PTPRF: variants seen among roughly 807,000 people sequenced by gnomAD.
PTPRF encodes protein tyrosine phosphatase receptor type F.
PTPRF carries 59 observed loss-of-function variants against 201.8 expected under a neutral mutation model. That is an observed-to-expected ratio of 0.29 (90% CI 0.24 to 0.36). The LOEUF (loss-of-function observed/expected upper bound fraction) is 0.36. Ranked by LOEUF, PTPRF falls within the 10% of genes least tolerant of loss-of-function variation. PTPRF has a pLI of 1.00. For synonymous variants in PTPRF, 1,088 were observed against 1,089.7 expected (o/e 1.00, Z 0.03); for missense variants, 2,132 against 2,690.5 (o/e 0.79, Z 4.59).
intron 5 of PTPRF, among the ~76,000 whole-genome samples, chr1:43,560,634 G>A (rs1645742938): frequency 6.6e-6 from 1 of 152,160 alleles, no homozygotes; most frequent in Admixed American, 6.5e-5. Flanking sequence ...GGACCCCGCA[G>A]GATCCCTGTT....
intron 6 of PTPRF, among the ~76,000 whole-genome samples, chr1:43,578,468 A>G (rs1021650829): frequency 3.3e-5 from 5 of 152,178 alleles, no homozygotes; most frequent in African/African-American, 1.2e-4. Flanking sequence ...GAACACTAAC[A>G]GGGATGTTGA....
chr1:43,611,905 C>T (rs1382481281), intron 22 of PTPRF, among the ~76,000 whole-genome samples: 2 of 152,114 alleles, frequency 1.3e-5, no homozygotes, highest in African/African-American at 2.4e-5. Context: ...GACATCAGGG[C>T]TGAAGCCCTG....
chr1:43,535,236 G>A (rs1643931603), intron 1 of PTPRF, among the ~76,000 whole-genome samples: 1 of 152,192 alleles, frequency 6.6e-6, no homozygotes, highest in African/African-American at 2.4e-5. Context: ...GTGTTGCTCA[G>A]GTGTTTGACC....
rs1365430574 is a variant in PTPRF at position 43,598,053 on chromosome 1, G to A, written c.2119G>A (p.Val707Met). ...GGTGCTGGTGCGCACCGATGAGGACGGTAGGCAGTGCCACCGGGGCGGGAG... is the reference window on the plus strand; with the variant it reads ...GGTGCTGGTGCGCACCGATGAGGACAGTAGGCAGTGCCACCGGGGCGGGAG... ...SPVLVRTDED[V>M]PSGPPRKVEV... Residue 707 changes from valine to methionine, a missense_variant and splice_region_variant, in exon 12 of 34, where the codon GTG becomes ATG. Physicochemically the swap from Val to Met is conservative, Grantham distance 21 (BLOSUM62 1). This residue lies in a region of PTPRF where 125 missense variants were observed against 211.9 expected (regional missense o/e 0.59). Coordinates refer to ENST00000359947, the MANE Select transcript of PTPRF (RefSeq NM_002840.5). 6.8e-7 allele frequency: 1 copy of A among 1,470,366 alleles called. No individual in the cohort carries two copies. Among genetic ancestry groups the A allele is most frequent in the Non-Finnish European group, 9.1e-7 (1 of 1,103,326 alleles). 91.1% of individuals were successfully genotyped at this position (1,470,366 alleles called of 1,614,324 possible). A position where few individuals can be genotyped will look rare whatever the true frequency, so the allele number is the denominator to read the frequency against.
chr1:43,580,710 A>T (rs1033190132), intron 7 of PTPRF, among the ~76,000 whole-genome samples: 1 of 152,230 alleles, frequency 6.6e-6, no homozygotes, highest in African/African-American at 2.4e-5. Context: ...CTTCTCAAAG[A>T]TCTGCCTCCT....
At chr1:43,604,791 AC>A (rs1654640673) in intron 16 of PTPRF, 111 bp from the exon 17 acceptor site, 2 of 895,896 alleles carry the variant, frequency 2.2e-6, no homozygotes, top group Admixed American at 3.7e-5. Flanking sequence ...CCATCCTTCA[AC>A]CCCCTGTTCC....
chr1:43,565,952 C>T (rs1374369466), intron 5 of PTPRF, among the ~76,000 whole-genome samples: 1 of 152,230 alleles, frequency 6.6e-6, no homozygotes, highest in Non-Finnish European at 1.5e-5. Context: ...TCCTCCCCTT[C>T]GGCGCCAACA....
chr1:43,581,840 C>T (rs1364360909), intron 7 of PTPRF, among the ~76,000 whole-genome samples: 1 of 152,240 alleles, frequency 6.6e-6, no homozygotes, highest in Admixed American at 6.5e-5. Context: ...GGGCTCTAGC[C>T]CTGAACTTCT....
intron 6 of PTPRF, among the ~76,000 whole-genome samples, chr1:43,578,044 C>G (rs1437912191): frequency 6.6e-6 from 1 of 152,232 alleles, no homozygotes; most frequent in African/African-American, 2.4e-5. Flanking sequence ...GATTCCTCCA[C>G]CCTTTCTGAG....
At chr1:43,552,632 G>A (rs1645108794) in intron 3 of PTPRF, among the ~76,000 whole-genome samples, 2 of 152,186 alleles carry the variant, frequency 1.3e-5, no homozygotes, top group Admixed American at 6.5e-5. Flanking sequence ...TGGATCAGCT[G>A]TCAAGATTAA....
In PTPRF at chr1:43,578,888, G is replaced by T. The variant is rs906834223; in HGVS notation, c.647G>T (p.Arg216Leu). 24 of 1,614,098 alleles carry T rather than the reference G, an allele frequency of 1.5e-5. No individual in the cohort carries two copies. The highest frequency in any genetic ancestry group is 1.9e-5 in the Non-Finnish European group (23 of 1,180,028). ...GTGGCGACCAACTCGGCAGGCACAC[G>T]TTACTCAGCCCCTGCGAACCTGTAT... is the stretch of plus-strand genomic sequence containing the variant. ...ECVATNSAGT[R>L]YSAPANLYVR... is the part of the protein sequence containing the mutation. Residue 216 changes from arginine to leucine, a missense_variant, in exon 7 of 34, where the codon CGT becomes CTT. By Grantham distance (102) the Arg-to-Leu change is moderately radical. Coordinates refer to ENST00000359947, the MANE Select transcript of PTPRF (RefSeq NM_002840.5).
chr1:43,578,748 ACCGTGTTCCAGGC>A, intron 6 of PTPRF, 49 bp from the exon 7 acceptor site: 1 of 1,269,580 alleles, frequency 7.9e-7, no homozygotes, highest in Non-Finnish European at 1.1e-6. Context: ...GAGACCTCTC[ACCGTGTTCCAGGC>A]CACACTCGAC....
At chr1:43,595,579 T>G (rs1652054373) in intron 11 of PTPRF, among the ~76,000 whole-genome samples, 1 of 151,884 alleles carries the variant, frequency 6.6e-6, no homozygotes, top group Non-Finnish European at 1.5e-5. Flanking sequence ...TTGGAAACAG[T>G]CAATAGGAAA....
At position 43,560,105 on chromosome 1, in the gene PTPRF, A is replaced by AGTGTGT. The variant is rs58961389; in HGVS notation, c.379+6179_379+6184dup. ...GTACAGCAGATGGTGTGCAGCAGGC[A>AGTGTGT]GTGTGTGTGTGTGTGTGTGTACAAT... On this transcript the variant is annotated intron_variant, in intron 5 of 33. Transcript: ENST00000359947. 4.8e-3 allele frequency among the ~76,000 whole-genome samples: 674 copies of AGTGTGT among 139,856 alleles called. 6 individuals carry two copies. The highest frequency in any genetic ancestry group is 0.017 in the African/African-American group (639 of 37,932). The allele number at this position is 139,856 out of a possible 152,430, so 91.8% of individuals were successfully genotyped here.
intron 31 of PTPRF, 40 bp downstream of exon 31, chr1:43,620,619 C>T (rs775869846): frequency 1.2e-6 from 2 of 1,601,540 alleles, no homozygotes; most frequent in South Asian, 2.3e-5. Context: ...CGCTGCCTGT[C>T]CACACGCTGG....
chr1:43,591,457 C>G lies in PTPRF; in HGVS notation c.1435C>G (p.Leu479Val). Residue 479 changes from leucine (L) to valine (V), a missense_variant, in exon 9 of 34, where the codon CTG becomes GTG. Physicochemically the swap from Leu to Val is conservative, Grantham distance 32 (BLOSUM62 1). Transcript: ENST00000359947. ...AGLLTTVGSL[L>V]PGITYSLRVL... ...GCTCCTCACGACCGTGGGCAGCCTGCTGCCTGGCATCACCTACAGCCTGCG... is the reference window on the plus strand; with the variant it reads ...GCTCCTCACGACCGTGGGCAGCCTGGTGCCTGGCATCACCTACAGCCTGCG... The G allele has an allele frequency of 6.3e-7, 1 of 1,595,040 alleles. No homozygotes were observed. Among genetic ancestry groups the G allele is most frequent in the Non-Finnish European group, 8.5e-7 (1 of 1,173,344 alleles).
intron 23 of PTPRF, among the ~76,000 whole-genome samples, chr1:43,615,329 A>T (rs888323257): frequency 4.1e-4 from 62 of 152,040 alleles, no homozygotes; most frequent in Middle Eastern, 3.2e-3. Flanking sequence ...ACCCACACTC[A>T]TCTGTACCAT....
rs771526636 is a variant in PTPRF at position 43,613,728 on chromosome 1, C to T, written c.4071+13C>T. On this transcript the variant is annotated intron_variant, in intron 23 of 33. Transcript: ENST00000359947. Reference sequence around the variant, plus strand: ...CCAGGAGTATGAGGTGAGATGTTCCCGCCCCCTACCATGTGCCTGGCCCAG... The same window carrying T: ...CCAGGAGTATGAGGTGAGATGTTCCTGCCCCCTACCATGTGCCTGGCCCAG... The T allele has an allele frequency of 6.3e-5, 101 of 1,608,570 alleles. No homozygotes were observed. Among genetic ancestry groups the T allele is most frequent in the Non-Finnish European group, 8.0e-5 (94 of 1,175,096 alleles).
At chr1:43,585,962 C>T (rs756038958) in intron 7 of PTPRF, among the ~76,000 whole-genome samples, 3 of 152,238 alleles carry the variant, frequency 2.0e-5, no homozygotes, top group Non-Finnish European at 2.9e-5. Context: ...GAGCAGCGTC[C>T]TCTCCTGCCA....
Sources: allele counts gnomAD v4.1 joint callset (sites outside exome capture counted in the v4.1 genomes callset), GRCh38; gene constraint gnomAD v4.1.1; regional missense constraint gnomAD v4.1.1; transcripts MANE v1.5; gene names NCBI Gene and HGNC (gene_info 2026-07-23, HGNC 2026-07-21).